PEMT: variants seen among roughly 807,000 people sequenced by gnomAD.
The protein encoded by PEMT is phosphatidylethanolamine N-methyltransferase.
PEMT carries 23 observed loss-of-function variants against 27.4 expected under a neutral mutation model. That is an observed-to-expected ratio of 0.84 (90% CI 0.60 to 1.19). PEMT has a LOEUF of 1.19. PEMT is among the 50% of genes most tolerant of loss of function. The pLI is 0.00. For missense variants in PEMT, 307 were observed against 310.1 expected, an observed-to-expected ratio of 0.99 and a Z score of 0.07; for synonymous variants, 137 against 139.1, an observed-to-expected ratio of 0.98 and a Z score of 0.11.
chr17:17,506,160 A>G (rs1905818130), intron 6 of PEMT, 67 bp downstream of exon 6: 5 of 1,298,252 alleles, frequency 3.9e-6, no homozygotes, highest in Non-Finnish European at 5.4e-6. Context: ...CCACAAGGAA[A>G]GGTTCTAGAG....
At chr17:17,539,480 T>C (rs1056056582) in intron 2 of PEMT, among the ~76,000 whole-genome samples, 1 of 152,240 alleles carries the variant, frequency 6.6e-6, no homozygotes, top group African/African-American at 2.4e-5. Flanking sequence ...CTTGGTATGA[T>C]GCCTCTGCGA....
chr17:17,541,247 G>A lies in PEMT; in HGVS notation c.205-18852C>T, dbSNP rs922177877. ...CATCCTCCCAGAGCCCTGCAAGGAA[G>A]ATGTCTCCCTCACGCACGGACAGGT... On this transcript the variant is annotated intron_variant, in intron 2 of 6. Transcript: ENST00000255389. Among the ~76,000 whole-genome samples the A allele has an allele frequency of 2.0e-5, 3 of 152,230 alleles. No individual in the cohort carries two copies. The East Asian group carries it at 5.8e-4, about 29-fold the overall frequency.
intron 2 of PEMT, among the ~76,000 whole-genome samples, chr17:17,570,050 C>T (rs1332133590): frequency 1.3e-5 from 2 of 152,230 alleles, no homozygotes; most frequent in Non-Finnish European, 2.9e-5. Flanking sequence ...CCACCAGGTG[C>T]CACTGCAGAA....
Sources: allele counts gnomAD v4.1 joint callset (sites outside exome capture counted in the v4.1 genomes callset), GRCh38; gene constraint gnomAD v4.1.1; transcripts MANE v1.5; gene names NCBI Gene and HGNC (gene_info 2026-07-23, HGNC 2026-07-21).